The following CELF2 variants were observed in gnomAD, a reference collection of about 807,000 sequenced individuals.
CELF2 encodes CUGBP Elav-like family member 2.
CELF2 carries 8 observed loss-of-function variants against 62.6 expected under a neutral mutation model. The ratio of observed to expected loss-of-function variants is 0.13; its 90% CI spans 0.07 to 0.23. The LOEUF (loss-of-function observed/expected upper bound fraction) is 0.23, where lower values mean the gene tolerates loss of function less well. CELF2 is among the 10% of genes least tolerant of loss of function. The pLI is 1.00. For missense variants in CELF2, 333 were observed against 671.0 expected, an observed-to-expected ratio of 0.50 and a Z score of 5.56; for synonymous variants, 258 against 250.0, an observed-to-expected ratio of 1.03 and a Z score of -0.30.
In CELF2 at chr10:11,243,345, G is replaced by A. The variant is rs1027614441; in HGVS notation, c.355-5808G>A. Among the ~76,000 whole-genome samples, 5 of 147,806 alleles carry A rather than the reference G, an allele frequency of 3.4e-5. No individual in the cohort carries two copies. In the East Asian group the frequency reaches 5.9e-4, roughly 17 times the overall value. On this transcript the variant is annotated intron_variant, in intron 3 of 12. Coordinates refer to ENST00000633077, the MANE Select transcript of CELF2 (RefSeq NM_001326342.2). This position sits in a 1 kb window ranked among gnomAD's most constrained non-coding sequence, Gnocchi z 4.1. ...CCATGTACCTTAACGTGCGGCTTTA[G>A]GCAAAATGTTATTCAAAAAAAAAAA...
chr10:11,270,954 T>C lies in CELF2; in HGVS notation c.777+130T>C. ...TCGGGGAATTATTGAAATCAGCATT[T>C]ATGCAGGATATTTTTCCAAGTTAGA... On this transcript the variant is annotated intron_variant, in intron 7 of 12. Coordinates refer to ENST00000633077, the MANE Select transcript of CELF2 (RefSeq NM_001326342.2). This position sits in a 1 kb window ranked among gnomAD's most constrained non-coding sequence, Gnocchi z 5.8. The C allele has an allele frequency of 1.1e-6, 1 of 881,524 alleles. No individual in the cohort carries two copies. Among genetic ancestry groups the C allele is most frequent in the Non-Finnish European group, 1.5e-6 (1 of 645,998 alleles). The allele number at this position is 881,524 out of a possible 1,614,324, so 54.6% of individuals were successfully genotyped here.
chr10:11,022,334 A>G (rs980705003), intron 1 of CELF2, among the ~76,000 whole-genome samples: 12 of 152,188 alleles, frequency 7.9e-5, no homozygotes, highest in Non-Finnish European at 1.8e-4. Context: ...CAGAGGTATT[A>G]TTTTAATTGT....
At chr10:10,968,826 A>G (rs2050439784) in intron 2 of CELF2, among the ~76,000 whole-genome samples, 1 of 152,210 alleles carries the variant, frequency 6.6e-6, no homozygotes, top group Non-Finnish European at 1.5e-5. Flanking sequence ...AGGTCAAACC[A>G]TTATGGTTAT....
At chr10:10,937,121 C>CTTTTTTTTTTTTTTTTTTTTTTTTT (rs373143426) in intron 2 of CELF2, among the ~76,000 whole-genome samples, 75 of 90,504 alleles carry the variant, frequency 8.3e-4, no homozygotes, top group Non-Finnish European at 1.1e-3. Flanking sequence ...TTTTTCTTTT[C>CTTTTTTTTTTTTTTTTTTTTTTTTT]TTTTTTTTTT....
At chr10:11,215,892 C>T (rs941025441) in intron 2 of CELF2, among the ~76,000 whole-genome samples, 2 of 152,118 alleles carry the variant, frequency 1.3e-5, no homozygotes, top group Non-Finnish European at 2.9e-5. Flanking sequence ...GCTTACATCA[C>T]GCCACTGAAG....
chr10:10,868,535 G>T (rs1214641345), intron 1 of CELF2, among the ~76,000 whole-genome samples: 2 of 152,254 alleles, frequency 1.3e-5, no homozygotes, highest in African/African-American at 4.8e-5. Flanking sequence ...CCAGGTGCCA[G>T]TGGGTAAAGA....
rs1433260052 is a variant in CELF2 at position 11,159,380 on chromosome 10, A to G, written c.75-6106A>G. ...CTGCCGAAAGGCAGTCATGGAAGAC[A>G]GACGCGTTTTTCATGATGACTGTGA... On this transcript the variant is annotated intron_variant, in intron 1 of 12. Coordinates refer to ENST00000633077, the MANE Select transcript of CELF2 (RefSeq NM_001326342.2). The surrounding 1 kb of genome is among the most constrained non-coding windows in gnomAD (Gnocchi z 5.0). Among the ~76,000 whole-genome samples, 1 of 152,262 alleles carries G rather than the reference A, an allele frequency of 6.6e-6. No individual in the cohort carries two copies. The highest frequency in any genetic ancestry group is 1.5e-5 in the Non-Finnish European group (1 of 68,040).
the CELF2 span, among the ~76,000 whole-genome samples, chr10:10,616,675 CGTGTGTGTGTGTGTGCGTGTGT>C: frequency 1.5e-5 from 2 of 134,136 alleles, no homozygotes; most frequent in African/African-American, 5.7e-5. Context: ...CACCCAAATT[CGTGTGTGTGTGTGTGCGTGTGT>C]GTGTGTGTGT....
At chr10:10,887,256 T>C (rs750197671) in intron 1 of CELF2, among the ~76,000 whole-genome samples, 9 of 152,212 alleles carry the variant, frequency 5.9e-5, no homozygotes, top group Non-Finnish European at 1.3e-4. Flanking sequence ...ACTATGCATC[T>C]TTTTTATCAC....
intron 2 of CELF2, among the ~76,000 whole-genome samples, chr10:10,977,700 A>T (rs1019181457): frequency 1.3e-5 from 2 of 152,252 alleles, no homozygotes; most frequent in African/African-American, 2.4e-5. Flanking sequence ...CGTTTTGTAC[A>T]TTCTCTTCAC....
At chr10:10,473,341 G>C in the CELF2 span, among the ~76,000 whole-genome samples, 6 of 152,062 alleles carry the variant, frequency 3.9e-5, no homozygotes, top group African/African-American at 1.4e-4. Context: ...CTAGGAAAAG[G>C]TAAGAGTTTC....
chr10:10,582,421 T>C, the CELF2 span, among the ~76,000 whole-genome samples: 1 of 152,326 alleles, frequency 6.6e-6, no homozygotes, highest in Non-Finnish European at 1.5e-5. Flanking sequence ...CGAGATTATA[T>C]TTTTTCATAG....
chr10:10,832,047 T>A (rs1461088691), intron 1 of CELF2, among the ~76,000 whole-genome samples: 1 of 150,762 alleles, frequency 6.6e-6, no homozygotes, highest in South Asian at 2.1e-4. Context: ...GCAGGCGGAT[T>A]GCCTGAGCTC....
chr10:10,798,397 A>G, upstream of CELF2: 1 of 195,962 alleles, frequency 5.1e-6, no homozygotes, highest in Middle Eastern at 1.7e-3. Flanking sequence ...GGTAAAGTCC[A>G]GAGGCTTCAG....
chr10:11,165,308 G>T lies in CELF2; in HGVS notation c.75-178G>T. On this transcript the variant is annotated intron_variant, in intron 1 of 12. Transcript: ENST00000633077. This position sits in a 1 kb window ranked among gnomAD's most constrained non-coding sequence, Gnocchi z 7.4. Reference sequence around the variant, plus strand: ...GTGAGAGCCTCGCCGCCGCCGAGGAGCAACTCATGGTGCCTCCGCTTTGTT... The same window carrying T: ...GTGAGAGCCTCGCCGCCGCCGAGGATCAACTCATGGTGCCTCCGCTTTGTT... 7.1e-7 allele frequency: 1 copy of T among 1,406,792 alleles called. No homozygotes were observed. The highest frequency in any genetic ancestry group is 9.2e-7 in the Non-Finnish European group (1 of 1,083,608). The allele number at this position is 1,406,792 out of a possible 1,614,324, so 87.1% of individuals were successfully genotyped here. A position where few individuals can be genotyped will look rare whatever the true frequency, so the allele number is the denominator to read the frequency against.
intron 2 of CELF2, among the ~76,000 whole-genome samples, chr10:10,989,865 T>C (rs1386778854): frequency 2.0e-5 from 3 of 152,010 alleles, no homozygotes; most frequent in Non-Finnish European, 4.4e-5. Context: ...CAATAAACAT[T>C]GGGAGAAATA....
the CELF2 span, among the ~76,000 whole-genome samples, chr10:10,656,116 A>G: frequency 2.1e-5 from 3 of 146,118 alleles, no homozygotes; most frequent in Non-Finnish European, 4.6e-5. Context: ...AAACACATGA[A>G]AAAATGCTCA....
Position 11,270,852 on chromosome 10 carries a change from C to T in CELF2, c.777+28C>T. On this transcript the variant is annotated intron_variant, in intron 7 of 12. Coordinates refer to ENST00000633077, the MANE Select transcript of CELF2 (RefSeq NM_001326342.2). The surrounding 1 kb of genome is among the most constrained non-coding windows in gnomAD (Gnocchi z 5.8). ...AAGTGCTGGGCAATGCCGGCGTGGT[C>T]TTCACCCGCTGAAACTCTGCAAACT... is the stretch of plus-strand genomic sequence containing the variant. The T allele has an allele frequency of 7.4e-7, 1 of 1,347,258 alleles. No homozygotes were observed. The highest frequency in any genetic ancestry group is 9.6e-7 in the Non-Finnish European group (1 of 1,036,928). 83.5% of individuals were successfully genotyped at this position (1,347,258 alleles called of 1,614,324 possible).
rs2060235958 is a variant in CELF2 at position 10,864,522 on chromosome 10, C to A, written c.54-55442C>A. Among the ~76,000 whole-genome samples the A allele has an allele frequency of 2.0e-5, 3 of 152,062 alleles. No individual in the cohort carries two copies. In the South Asian group the frequency reaches 6.2e-4, roughly 32 times the overall value. ...ATGGTGGAAGTCCAAGATCAAGGTACCTGTTGATTCAGTTCCAGGTGAGGG... is the reference window on the plus strand; with the variant it reads ...ATGGTGGAAGTCCAAGATCAAGGTAACTGTTGATTCAGTTCCAGGTGAGGG... On this transcript the variant is annotated intron_variant, in intron 1 of 13. Transcript: ENST00000636488.
Sources: allele counts gnomAD v4.1 joint callset (sites outside exome capture counted in the v4.1 genomes callset), GRCh38; gene constraint gnomAD v4.1.1; non-coding constraint Gnocchi (gnomAD v3.1); transcripts MANE v1.5; gene names NCBI Gene and HGNC (gene_info 2026-07-23, HGNC 2026-07-21).